PDE3B: variants seen among roughly 807,000 people sequenced by gnomAD.
PDE3B encodes the protein phosphodiesterase 3B.
PDE3B carries 66 observed loss-of-function variants against 116.8 expected under a neutral mutation model. The ratio of observed to expected loss-of-function variants is 0.56; its 90% CI spans 0.46 to 0.69. The LOEUF is 0.69. Ranked by LOEUF, PDE3B falls within the 30% of genes least tolerant of loss-of-function variation. PDE3B has a pLI of 0.00. For synonymous variants in PDE3B, 595 were observed against 533.6 expected (o/e 1.12, Z -1.59); for missense variants, 1,384 against 1,368.1 (o/e 1.01, Z -0.18).
chr11:14,867,542 C>G lies in PDE3B; in HGVS notation c.2923C>G (p.Pro975Ala), dbSNP rs1848069844. 6.2e-7 allele frequency: 1 copy of G among 1,613,846 alleles called. No homozygotes were observed. Among genetic ancestry groups the G allele is most frequent in the Non-Finnish European group, 8.5e-7 (1 of 1,179,770 alleles). ...AGCAAATCTTGGTCTGCCCATCAGTCCATTCATGGATCGTTCTTCTCCTCA... is the reference window on the plus strand; with the variant it reads ...AGCAAATCTTGGTCTGCCCATCAGTGCATTCATGGATCGTTCTTCTCCTCA... ...EEANLGLPISPFMDRSSPQLA... is the reference protein window; with the variant it reads ...EEANLGLPISAFMDRSSPQLA... Residue 975 changes from proline to alanine, a missense_variant, in exon 15 of 16, where the codon CCA (proline) becomes GCA (alanine). Transcript: ENST00000282096.
intron 1 of PDE3B, among the ~76,000 whole-genome samples, chr11:14,670,055 T>G (rs1374674385): frequency 6.6e-6 from 1 of 152,140 alleles, no homozygotes; most frequent in East Asian, 1.9e-4. Context: ...TTGGTCGAGT[T>G]TTGTGCCTTA....
At chr11:14,742,087 G>T (rs1856791148) in intron 1 of PDE3B, among the ~76,000 whole-genome samples, 2 of 152,042 alleles carry the variant, frequency 1.3e-5, no homozygotes, top group Admixed American at 1.3e-4. Flanking sequence ...GCTTCTTGAG[G>T]AGTATCTTTG....
chr11:14,878,115 G>A, the PDE3B span: 4 of 1,612,822 alleles, frequency 2.5e-6, no homozygotes, highest in Non-Finnish European at 3.4e-6. Context: ...AAACATCCCA[G>A]GCAGTTTCAG....
intron 1 of PDE3B, among the ~76,000 whole-genome samples, chr11:14,681,497 C>A (rs937968407): frequency 1.3e-5 from 2 of 152,066 alleles, no homozygotes; most frequent in Admixed American, 1.3e-4. Context: ...GACTTCCCTG[C>A]CATGTGGAAC....
At chr11:14,843,409 A>G (rs1847517001) in intron 11 of PDE3B, among the ~76,000 whole-genome samples, 1 of 152,208 alleles carries the variant, frequency 6.6e-6, no homozygotes, top group African/African-American at 2.4e-5. Context: ...TTAGTTTGGT[A>G]AGATATTAAA....
intron 2 of PDE3B, among the ~76,000 whole-genome samples, chr11:14,777,633 T>G (rs1857827025): frequency 1.3e-5 from 2 of 152,142 alleles, no homozygotes; most frequent in East Asian, 3.9e-4. Flanking sequence ...GGCTGTAAAG[T>G]CTATATCCAG....
chr11:14,651,089 A>G (rs1260081269), intron 1 of PDE3B, among the ~76,000 whole-genome samples: 1 of 152,198 alleles, frequency 6.6e-6, no homozygotes, highest in Non-Finnish European at 1.5e-5. Flanking sequence ...GGAGGCCAGA[A>G]GTCCAAGATC....
intron 11 of PDE3B, among the ~76,000 whole-genome samples, chr11:14,842,095 T>C (rs541426706): frequency 6.6e-5 from 10 of 152,196 alleles, no homozygotes; most frequent in Non-Finnish European, 1.5e-4. Context: ...TCAGTAGATT[T>C]CTTGGGATTT....
At chr11:14,710,923 G>T (rs956885830) in intron 1 of PDE3B, among the ~76,000 whole-genome samples, 1 of 152,184 alleles carries the variant, frequency 6.6e-6, no homozygotes, top group African/African-American at 2.4e-5. Context: ...TTTGCCCAAA[G>T]AACTTTTCTT....
intron 11 of PDE3B, among the ~76,000 whole-genome samples, chr11:14,837,210 T>C (rs1269074009): frequency 6.6e-6 from 1 of 152,230 alleles, no homozygotes; most frequent in Non-Finnish European, 1.5e-5. Flanking sequence ...TCAATCCAGC[T>C]CTGCAACCTT....
At chr11:14,673,265 C>CA (rs1208968111) in intron 1 of PDE3B, among the ~76,000 whole-genome samples, 1 of 151,616 alleles carries the variant, frequency 6.6e-6, no homozygotes, top group Non-Finnish European at 1.5e-5. Flanking sequence ...ATAGCATTAA[C>CA]ATGTATTATA....
chr11:14,819,306 C>G, intron 7 of PDE3B, 97 bp downstream of exon 7: 1 of 711,988 alleles, frequency 1.4e-6, no homozygotes, highest in Non-Finnish European at 2.5e-6. Context: ...TCAGTTTATC[C>G]ATCTTTAAAA....
chr11:14,847,244 G>A (rs1470706012), intron 12 of PDE3B, among the ~76,000 whole-genome samples: 1 of 151,476 alleles, frequency 6.6e-6, no homozygotes, highest in African/African-American at 2.4e-5. Context: ...ATGACTACTG[G>A]GTACATAATG....
chr11:14,790,015 T>C (rs896735839), intron 4 of PDE3B, among the ~76,000 whole-genome samples: 1 of 152,040 alleles, frequency 6.6e-6, no homozygotes, highest in African/African-American at 2.4e-5. Context: ...GTTAACCATT[T>C]TCTGGTATTA....
chr11:14,810,126 T>C (rs1365243441), intron 5 of PDE3B, among the ~76,000 whole-genome samples: 1 of 152,036 alleles, frequency 6.6e-6, no homozygotes, highest in African/African-American at 2.4e-5. Flanking sequence ...GATAAATATT[T>C]TCTAATAATA....
chr11:14,814,805 CA>C (rs1330306891), intron 5 of PDE3B, among the ~76,000 whole-genome samples: 1 of 151,886 alleles, frequency 6.6e-6, no homozygotes, highest in Non-Finnish European at 1.5e-5. Context: ...ACTAAAAACA[CA>C]AAAAAATTAG....
intron 1 of PDE3B, among the ~76,000 whole-genome samples, chr11:14,740,516 C>T (rs569682234): frequency 3.9e-5 from 6 of 152,050 alleles, no homozygotes; most frequent in African/African-American, 9.6e-5. Flanking sequence ...GTCTGGCTAG[C>T]GGTCTGTCTA....
chr11:14,703,635 G>T (rs1855439973), intron 1 of PDE3B, among the ~76,000 whole-genome samples: 1 of 151,530 alleles, frequency 6.6e-6, no homozygotes, highest in South Asian at 2.1e-4. Context: ...ATTTGGTTTT[G>T]ATGTCCAGGT....
chr11:14,811,387 G>C (rs1201545567), intron 5 of PDE3B, among the ~76,000 whole-genome samples: 1 of 152,172 alleles, frequency 6.6e-6, no homozygotes, highest in African/African-American at 2.4e-5. Flanking sequence ...TTGTACATAT[G>C]GCTAGCGAGT....
Sources: gnomAD v4.1 joint callset for allele counts (sites outside exome capture counted in the v4.1 genomes callset) on GRCh38, gnomAD v4.1.1 for gene constraint, MANE v1.5 for transcripts, NCBI Gene and HGNC (gene_info 2026-07-23, HGNC 2026-07-21) for gene names.